The following SDK1 variants were observed in gnomAD, a reference collection of about 807,000 sequenced individuals.
SDK1 encodes the protein sidekick cell adhesion molecule 1.
SDK1 carries 157 observed loss-of-function variants against 245.5 expected under a neutral mutation model. The observed-to-expected ratio is 0.64, with a 90% CI of 0.56 to 0.73. The LOEUF (loss-of-function observed/expected upper bound fraction) is 0.73, where lower values mean the gene tolerates loss of function less well. Ranked by LOEUF, SDK1 falls within the 30% of genes least tolerant of loss-of-function variation. SDK1 has a pLI of 0.00. For synonymous variants in SDK1, 1,647 were observed against 1,278.5 expected (o/e 1.29, Z -6.15); for missense variants, 3,583 against 3,002.3 (o/e 1.19, Z -4.52).
intron 1 of SDK1, among the ~76,000 whole-genome samples, chr7:3,365,254 T>C (rs2128561688): frequency 6.6e-6 from 1 of 152,284 alleles, no homozygotes; most frequent in East Asian, 1.9e-4. Flanking sequence ...GTCTCAATTG[T>C]ATTCATTTTC....
chr7:3,443,172 G>A (rs17133368), intron 1 of SDK1, among the ~76,000 whole-genome samples: 22,158 of 151,576 alleles, frequency 0.15, 1,587 homozygotes, highest in South Asian at 0.21. Flanking sequence ...GCAATGCAGA[G>A]AATATTTAAT....
intron 1 of SDK1, among the ~76,000 whole-genome samples, chr7:3,385,627 TCA>T (rs1425215134): frequency 6.6e-6 from 1 of 152,166 alleles, no homozygotes; most frequent in East Asian, 1.9e-4. Flanking sequence ...ATTTCAGCTC[TCA>T]GTCAACCTCT....
rs576720508 is a variant in SDK1, at chr7:3,802,507, C to A, written c.714-18943C>A. Among the ~76,000 whole-genome samples the A allele has an allele frequency of 5.9e-5, 9 of 152,026 alleles. No individual in the cohort carries two copies. In the East Asian group the frequency reaches 1.7e-3, roughly 29 times the overall value. On this transcript the variant is annotated intron_variant, in intron 4 of 44. Transcript: ENST00000404826. ...CCATGATCATGCCGTTGCACTCCAACCTGGGGAGCAGAATGAGACCCTATA... is the reference window on the plus strand; with the variant it reads ...CCATGATCATGCCGTTGCACTCCAAACTGGGGAGCAGAATGAGACCCTATA...
At chr7:3,650,453 C>T (rs945409841) in intron 4 of SDK1, among the ~76,000 whole-genome samples, 4 of 152,072 alleles carry the variant, frequency 2.6e-5, no homozygotes, top group African/African-American at 4.8e-5. Context: ...AATCATATGG[C>T]ATTTATCCTT....
chr7:4,180,930 A>G (rs1782568853), intron 35 of SDK1, among the ~76,000 whole-genome samples: 1 of 152,142 alleles, frequency 6.6e-6, no homozygotes, highest in African/African-American at 2.4e-5. Flanking sequence ...GGGCAGGGAC[A>G]CATCCAGGCC....
At chr7:3,681,187 G>A (rs1294649541) in intron 4 of SDK1, among the ~76,000 whole-genome samples, 1 of 104,214 alleles carries the variant, frequency 9.6e-6, no homozygotes, top group Non-Finnish European at 2.1e-5. Context: ...GTATGCCCCC[G>A]AGTGCTATAG....
chr7:3,339,078 G>A (rs1780277587), intron 1 of SDK1, among the ~76,000 whole-genome samples: 1 of 152,114 alleles, frequency 6.6e-6, no homozygotes, highest in African/African-American at 2.4e-5. Flanking sequence ...TTAAACCAAT[G>A]ACACAGGTAG....
chr7:3,328,964 A>G (rs1302438401), intron 1 of SDK1, among the ~76,000 whole-genome samples: 1 of 152,184 alleles, frequency 6.6e-6, no homozygotes, highest in African/African-American at 2.4e-5. Context: ...GTAAGGAATC[A>G]TTTAAATATA....
intron 4 of SDK1, among the ~76,000 whole-genome samples, chr7:3,719,296 T>G (rs1452977456): frequency 6.6e-6 from 1 of 151,478 alleles, no homozygotes; most frequent in Non-Finnish European, 1.5e-5. Context: ...AGTCTCATTC[T>G]GAAATGTAGA....
chr7:3,967,532 A>C, intron 10 of SDK1, 98 bp downstream of exon 10: 4 of 766,298 alleles, frequency 5.2e-6, no homozygotes, highest in Admixed American at 2.0e-5. Flanking sequence ...TTATTCACTT[A>C]TGCATTCACT....
intron 4 of SDK1, among the ~76,000 whole-genome samples, chr7:3,739,573 T>C (rs1779417830): frequency 6.6e-6 from 1 of 152,188 alleles, no homozygotes; most frequent in African/African-American, 2.4e-5. Flanking sequence ...GTTGAGTCCC[T>C]CCAGTGAATT....
intron 5 of SDK1, among the ~76,000 whole-genome samples, chr7:3,869,902 G>A (rs751186979): frequency 6.6e-6 from 1 of 152,128 alleles, no homozygotes; most frequent in Non-Finnish European, 1.5e-5. Flanking sequence ...AAAAGAAAAT[G>A]CTGTTGAAAT....
rs147649655 is a variant in SDK1, at chr7:3,951,988, G to C, written c.1150+68G>C. On this transcript the variant is annotated intron_variant, in intron 7 of 44. Transcript: ENST00000404826. The stretch of plus-strand genomic sequence containing the variant: ...AGCATCCGACACTGACTCTTCTGCA[G>C]AAACAAAATAGCGTATTTCAGTGGC... The C allele has an allele frequency of 1.8e-4, 250 of 1,416,946 alleles. 1 individual carries two copies. In the African/African-American group the frequency reaches 2.8e-3, roughly 16 times the overall value. 87.8% of individuals were successfully genotyped at this position (1,416,946 alleles called of 1,614,324 possible).
Position 3,525,840 on chromosome 7 carries a change from C to G in SDK1, c.299-93240C>G, listed in dbSNP as rs80242025. Among the ~76,000 whole-genome samples the G allele has an allele frequency of 2.6e-3, 403 of 152,214 alleles. 2 individuals carry two copies. The highest frequency in any genetic ancestry group is 9.2e-3 in the African/African-American group (383 of 41,534). On this transcript the variant is annotated intron_variant, in intron 1 of 44. Coordinates refer to ENST00000404826, the MANE Select transcript of SDK1 (RefSeq NM_152744.4). ...TATCAATTTTAGTGTAATAATTTGTCTTATTTAATTTTGTTACTTAAATAT... is the reference window on the plus strand; with the variant it reads ...TATCAATTTTAGTGTAATAATTTGTGTTATTTAATTTTGTTACTTAAATAT...
intron 22 of SDK1, among the ~76,000 whole-genome samples, chr7:4,109,302 A>G (rs1783171339): frequency 6.6e-6 from 1 of 152,192 alleles, no homozygotes; most frequent in African/African-American, 2.4e-5. Flanking sequence ...CGAGTTCTCT[A>G]GGAAGCAAGC....
At position 3,441,862 on chromosome 7, in the gene SDK1, C is replaced by T. The variant is rs142632951; in HGVS notation, c.298+139978C>T. On this transcript the variant is annotated intron_variant, in intron 1 of 44. Transcript: ENST00000404826. ...CACCGATCATAAACCAAAAGTGATACTTAGGGTACCTTGAAATTACATTAA... is the reference window on the plus strand; with the variant it reads ...CACCGATCATAAACCAAAAGTGATATTTAGGGTACCTTGAAATTACATTAA... Among the ~76,000 whole-genome samples, 10 of 152,272 alleles carry T rather than the reference C, an allele frequency of 6.6e-5. No homozygotes were observed. The East Asian group carries it at 1.5e-3, about 24-fold the overall frequency.
chr7:3,402,803 A>G (rs557703615), intron 1 of SDK1, among the ~76,000 whole-genome samples: 10 of 152,188 alleles, frequency 6.6e-5, no homozygotes, highest in Middle Eastern at 3.2e-3. Context: ...TCTACACTCA[A>G]CAGTAGATTG....
chr7:3,561,537 G>C (rs1779750856), intron 1 of SDK1, among the ~76,000 whole-genome samples: 1 of 152,190 alleles, frequency 6.6e-6, no homozygotes, highest in African/African-American at 2.4e-5. Context: ...TAAGGTGGTG[G>C]TGGTGGTGTT....
At chr7:3,531,329 G>T (rs552663351) in intron 1 of SDK1, among the ~76,000 whole-genome samples, 98 of 152,200 alleles carry the variant, frequency 6.4e-4, no homozygotes, top group African/African-American at 1.9e-3. Flanking sequence ...AAATGTTCAC[G>T]CTTATTTCGA....
Sources: allele counts gnomAD v4.1 joint callset (sites outside exome capture counted in the v4.1 genomes callset), GRCh38; gene constraint gnomAD v4.1.1; transcripts MANE v1.5; gene names NCBI Gene and HGNC (gene_info 2026-07-23, HGNC 2026-07-21).